Variants in MADD observed in about 807,000 individuals in gnomAD.
The protein encoded by MADD is MAP kinase-activating death domain protein.
In MADD, 109 loss-of-function variants were observed where a neutral mutation model predicts 176.7. The ratio of observed to expected loss-of-function variants is 0.62; its 90% CI spans 0.53 to 0.72. The LOEUF (loss-of-function observed/expected upper bound fraction) is 0.72, where lower values mean the gene tolerates loss of function less well. Among genes scored for constraint, MADD ranks in the 30% least tolerant of loss-of-function variants. The pLI is 0.00. For synonymous variants in MADD, 771 were observed against 771.3 expected, an observed-to-expected ratio of 1.00 and a Z score of 0.01; for missense variants, 1,914 against 2,045.5, an observed-to-expected ratio of 0.94 and a Z score of 1.24.
At chr11:47,288,009 G>A (rs906221389) in intron 15 of MADD, among the ~76,000 whole-genome samples, 5 of 151,580 alleles carry the variant, frequency 3.3e-5, no homozygotes, top group African/African-American at 9.7e-5. Context: ...GGATGGTCTC[G>A]ATCTCCTGAC....
At chr11:47,284,892 G>A (rs763661103) in intron 12 of MADD, 49 bp from the exon 13 acceptor site, 6 of 1,603,778 alleles carry the variant, frequency 3.7e-6, no homozygotes, top group Non-Finnish European at 5.1e-6. Context: ...ATTACAGGAA[G>A]GTACCATTGG....
chr11:47,298,495 C>G (rs1311195693), intron 22 of MADD, among the ~76,000 whole-genome samples: 1 of 152,198 alleles, frequency 6.6e-6, no homozygotes, highest in Non-Finnish European at 1.5e-5. Context: ...TGAGAGAGAT[C>G]TATTCAGCTC....
chr11:47,328,049 C>G, intron 31 of MADD: 2 of 992,520 alleles, frequency 2.0e-6, no homozygotes, highest in Non-Finnish European at 2.4e-6. Context: ...CCAGAGCCCT[C>G]AGACGCTCTC....
chr11:47,279,760 AG>A (rs2054597338), intron 7 of MADD, among the ~76,000 whole-genome samples: 1 of 151,652 alleles, frequency 6.6e-6, no homozygotes, highest in Non-Finnish European at 1.5e-5. Flanking sequence ...GTTGATCCTG[AG>A]GGTTCCTTTC....
chr11:47,273,015 G>A (rs777381371), intron 1 of MADD, among the ~76,000 whole-genome samples: 2 of 152,212 alleles, frequency 1.3e-5, no homozygotes, highest in Non-Finnish European at 2.9e-5. Flanking sequence ...ATCACATGAG[G>A]TAGAATAGCC....
At chr11:47,317,945 T>C (rs1016949503) in intron 27 of MADD, among the ~76,000 whole-genome samples, 3 of 151,882 alleles carry the variant, frequency 2.0e-5, no homozygotes, top group African/African-American at 7.3e-5. Context: ...AATTTTTGTG[T>C]TTTTAGTAGA....
chr11:47,282,266 T>A (rs2057504168), intron 8 of MADD, 115 bp from the exon 9 acceptor site: 1 of 731,824 alleles, frequency 1.4e-6, no homozygotes, highest in African/African-American at 1.7e-5. Context: ...AAGATATCTC[T>A]CCCCTTGATG....
intron 15 of MADD, 58 bp downstream of exon 15, chr11:47,286,592 G>A (rs2060810408): frequency 2.9e-6 from 4 of 1,355,974 alleles, no homozygotes; most frequent in Non-Finnish European, 4.2e-6. Flanking sequence ...TTCGGGCTGT[G>A]GGTTCATGTC....
intron 7 of MADD, among the ~76,000 whole-genome samples, chr11:47,280,662 T>C (rs2055710917): frequency 6.6e-6 from 1 of 152,200 alleles, no homozygotes; most frequent in Admixed American, 6.5e-5. Flanking sequence ...CCTCCCAAGT[T>C]CAAGCGAATC....
chr11:47,328,896 C>A (rs980329468), intron 32 of MADD, 150 bp from the exon 37 acceptor site: 4 of 929,894 alleles, frequency 4.3e-6, no homozygotes, highest in Non-Finnish European at 6.8e-6. Context: ...GATCCCCTCT[C>A]CCATGGGGAC....
At chr11:47,307,484 G>C (rs1031726461) in intron 22 of MADD, among the ~76,000 whole-genome samples, 11 of 152,094 alleles carry the variant, frequency 7.2e-5, no homozygotes, top group Non-Finnish European at 1.2e-4. Context: ...AAAGTCACGT[G>C]ATCCATTTAG....
intron 7 of MADD, among the ~76,000 whole-genome samples, chr11:47,280,013 T>A (rs2054894114): frequency 6.6e-6 from 1 of 152,166 alleles, no homozygotes; most frequent in Non-Finnish European, 1.5e-5. Flanking sequence ...GAGGTTGCAG[T>A]GAGCCAAGAT....
At chr11:47,323,832 A>G (rs779666854) in exon 28 of MADD, 3 of 1,614,066 alleles carry the variant, frequency 1.9e-6, no homozygotes, top group Non-Finnish European at 8.5e-7. Context: ...TCTATACTAA[A>G]AAGGTACGCA....
chr11:47,324,387 C>T, intron 29 of MADD, 50 bp downstream of exon 32: 1 of 1,607,304 alleles, frequency 6.2e-7, no homozygotes, highest in Non-Finnish European at 8.5e-7. Context: ...ACCAGTCCTT[C>T]TGAGTGTCAG....
chr11:47,313,661 G>A (rs1380762142), intron 26 of MADD, among the ~76,000 whole-genome samples: 1 of 151,804 alleles, frequency 6.6e-6, no homozygotes, highest in African/African-American at 2.4e-5. Flanking sequence ...ATTCAAGTAT[G>A]GATAAAAGAT....
At chr11:47,294,806 T>G (rs1336732721) in intron 20 of MADD, among the ~76,000 whole-genome samples, 1 of 152,010 alleles carries the variant, frequency 6.6e-6, no homozygotes, top group Non-Finnish European at 1.5e-5. Flanking sequence ...TTTCAAAAAT[T>G]TAGTGACATG....
exon 19 of MADD, chr11:47,290,697 A>G: frequency 1.2e-6 from 2 of 1,614,170 alleles, no homozygotes; most frequent in Non-Finnish European, 1.7e-6. Context: ...GGGGACCCAA[A>G]GGCTATGGCA....
rs750272021 is a variant in MADD at position 47,292,600 on chromosome 11, A to G, written c.3302-1283A>G. On this transcript the variant is annotated intron_variant, in intron 19 of 32. Transcript: ENST00000402192. The stretch of plus-strand genomic sequence containing the variant: ...CAAAAAGCTTTGGAAAAACAGAGTA[A>G]GGAACAAATGCCCTTTCCTGTTCCC... 1.2e-6 allele frequency: 2 copies of G among 1,614,048 alleles called. No individual in the cohort carries two copies. Among genetic ancestry groups the G allele is most frequent in the South Asian group, 2.2e-5 (2 of 91,080 alleles).
intron 20 of MADD, among the ~76,000 whole-genome samples, chr11:47,294,989 T>A (rs951525507): frequency 1.3e-5 from 2 of 151,238 alleles, no homozygotes; most frequent in Non-Finnish European, 2.9e-5. Flanking sequence ...AGCATGTACT[T>A]CTTTAACGCA....
Sources: allele counts gnomAD v4.1 joint callset (sites outside exome capture counted in the v4.1 genomes callset), GRCh38; gene constraint gnomAD v4.1.1; transcripts MANE v1.5; gene names NCBI Gene and HGNC (gene_info 2026-07-23, HGNC 2026-07-21).